The following ADAP2 variants were observed in gnomAD, a reference collection of about 807,000 sequenced individuals.
ADAP2 encodes ArfGAP with dual PH domains 2.
ADAP2 carries 42 observed loss-of-function variants against 54.9 expected under a neutral mutation model. The observed-to-expected ratio is 0.77, with a 90% confidence interval of 0.60 to 0.99. ADAP2 has a LOEUF of 0.99. Among genes scored for constraint, ADAP2 ranks in the 50% least tolerant of loss-of-function variants. The pLI, the probability that ADAP2 is intolerant of heterozygous loss-of-function variation, is 0.00. For missense variants in ADAP2, 429 were observed against 480.4 expected, an observed-to-expected ratio of 0.89 and a Z score of 1.00; for synonymous variants, 177 against 180.1, an observed-to-expected ratio of 0.98 and a Z score of 0.14.
intron 7 of ADAP2, among the ~76,000 whole-genome samples, chr17:30,951,033 T>C (rs1250229107): frequency 1.3e-5 from 2 of 152,176 alleles, no homozygotes; most frequent in East Asian, 3.8e-4. Flanking sequence ...TGTCTGTGTA[T>C]GGTGTGAGGT....
rs774881193 is a variant in ADAP2 at position 30,954,515 on chromosome 17, A to G, written c.842A>G (p.Asp281Gly). ...TTCAAGAAAAGGTGGTTCGCCCTGG[A>G]TTGCCATGAGCGGAGGCTGCTCTAT... ...EPFKKRWFAL[D>G]CHERRLLYYK... Residue 281 changes from aspartate to glycine, a missense_variant, in exon 9 of 11, where the codon GAT becomes GGT. Asp to Gly is a moderately conservative substitution (Grantham distance 94). Coordinates refer to ENST00000330889, the MANE Select transcript of ADAP2 (RefSeq NM_018404.3). The G allele has an allele frequency of 2.2e-5, 36 of 1,614,128 alleles. No homozygotes were observed. The East Asian group carries it at 7.6e-4, about 34-fold the overall frequency.
intron 9 of ADAP2, among the ~76,000 whole-genome samples, chr17:30,955,457 C>A (rs1296130296): frequency 6.6e-6 from 1 of 151,954 alleles, no homozygotes; most frequent in African/African-American, 2.4e-5. Context: ...TCTGTAAACC[C>A]AGCATTTTGG....
At chr17:30,925,922 AAGGTTTCACC>A (rs1911027601) in intron 2 of ADAP2, among the ~76,000 whole-genome samples, 2 of 152,050 alleles carry the variant, frequency 1.3e-5, no homozygotes, top group Non-Finnish European at 2.9e-5. Context: ...TAGTAGAGAC[AAGGTTTCACC>A]ATGTTGGTCA....
chr17:30,924,322 G>C (rs977138801), intron 2 of ADAP2, among the ~76,000 whole-genome samples: 4 of 151,632 alleles, frequency 2.6e-5, no homozygotes, highest in African/African-American at 9.7e-5. Context: ...GCAATGAGCT[G>C]AGATCGCACC....
At chr17:30,930,324 G>T (rs1911382031) in intron 3 of ADAP2, among the ~76,000 whole-genome samples, 1 of 151,994 alleles carries the variant, frequency 6.6e-6, no homozygotes, top group Non-Finnish European at 1.5e-5. Context: ...TGCCTGCCTT[G>T]GCCTCCCAAA....
chr17:30,926,851 C>T lies in ADAP2; in HGVS notation c.250C>T (p.Arg84Cys), dbSNP rs138551645. ...VEFMIHNGNL[R>C]VKAKFEARVP... Reference sequence around the variant, plus strand: ...GTTTATGATCCACAATGGAAACCTCCGTGTGAAGGCCAAGTTCGAAGCCAG... The same window carrying T: ...GTTTATGATCCACAATGGAAACCTCTGTGTGAAGGCCAAGTTCGAAGCCAG... Residue 84 changes from arginine to cysteine, a missense_variant, in exon 3 of 11, where the codon CGT (arginine) becomes TGT (cysteine). Physicochemically the swap from Arg to Cys is radical, Grantham distance 180. Coordinates refer to ENST00000330889, the MANE Select transcript of ADAP2 (RefSeq NM_018404.3). The T allele has an allele frequency of 6.9e-5, 111 of 1,614,174 alleles. No individual in the cohort carries two copies. In the African/African-American group the frequency reaches 9.7e-4, roughly 14 times the overall value.
intron 3 of ADAP2, among the ~76,000 whole-genome samples, chr17:30,928,972 A>G (rs1017538776): frequency 2.0e-5 from 3 of 152,236 alleles, no homozygotes; most frequent in Non-Finnish European, 4.4e-5. Flanking sequence ...TCAGCTGCCG[A>G]GCCTCAGCAA....
In ADAP2 at chr17:30,958,103, C is replaced by T. The variant is rs1905201790; in HGVS notation, c.*234C>T. 1.7e-6 allele frequency: 1 copy of T among 571,684 alleles called. No individual in the cohort carries two copies. The highest frequency in any genetic ancestry group is 2.9e-5 in the East Asian group (1 of 34,214). The allele number at this position is 571,684 out of a possible 1,614,324, so 35.4% of individuals were successfully genotyped here. ...CATAGATGAACATCTATCCCCTCCT[C>T]CCCCATACACACCTAGGCTTGAAAT... On this transcript the variant is annotated 3_prime_UTR_variant, in exon 11 of 11. Coordinates refer to ENST00000330889, the MANE Select transcript of ADAP2 (RefSeq NM_018404.3).
At chr17:30,945,932 TCACGAGG>T (rs1912638407) in intron 6 of ADAP2, among the ~76,000 whole-genome samples, 2 of 148,988 alleles carry the variant, frequency 1.3e-5, no homozygotes, top group Non-Finnish European at 3.0e-5. Flanking sequence ...GGCAGGCGGA[TCACGAGG>T]TCAGGAGATC....
intron 5 of ADAP2, among the ~76,000 whole-genome samples, chr17:30,941,672 A>G (rs1276873815): frequency 6.6e-6 from 1 of 152,156 alleles, no homozygotes; most frequent in African/African-American, 2.4e-5. Context: ...TTTTCCATGA[A>G]CTTTTCTAAG....
chr17:30,935,088 C>T (rs958738401), intron 5 of ADAP2, among the ~76,000 whole-genome samples: 14 of 151,770 alleles, frequency 9.2e-5, no homozygotes, highest in East Asian at 1.9e-4. Context: ...AAACAAAAAC[C>T]GGGCATGGTG....
intron 5 of ADAP2, among the ~76,000 whole-genome samples, chr17:30,941,510 G>C (rs1214175460): frequency 6.6e-6 from 1 of 152,156 alleles, no homozygotes. Flanking sequence ...CAGAATTCAT[G>C]TTGCTCTGAG....
At chr17:30,936,603 T>C (rs1166564312) in intron 5 of ADAP2, among the ~76,000 whole-genome samples, 4 of 129,576 alleles carry the variant, frequency 3.1e-5, no homozygotes, top group African/African-American at 8.9e-5. Context: ...ATCTTATTTG[T>C]AGAAATGTCT....
chr17:30,942,599 C>T (rs747409707), intron 5 of ADAP2, among the ~76,000 whole-genome samples: 99 of 152,228 alleles, frequency 6.5e-4, no homozygotes, highest in South Asian at 3.1e-3. Flanking sequence ...ATATATATAT[C>T]GGAACAATCT....
rs148209227 is a variant in ADAP2 at position 30,923,026 on chromosome 17, G to A, written c.181G>A (p.Val61Ile). 9 of 1,614,106 alleles carry A rather than the reference G, an allele frequency of 5.6e-6. No individual in the cohort carries two copies. The East Asian group carries it at 2.0e-4, about 36-fold the overall frequency. ...CCGTAACTTCCCTGACATCAGCAGA[G>A]TTAAATCTGTGCGACTTGACTTCTG... Reference protein sequence around the residue: ...VHRNFPDISRVKSVRLDFWDD... With the variant: ...VHRNFPDISRIKSVRLDFWDD... The change falls in exon 2 of 11, where the codon GTT becomes ATT. Residue 61 changes from valine (V) to isoleucine (I), a missense_variant. Val to Ile is a conservative substitution (Grantham distance 29). Transcript: ENST00000330889.
chr17:30,933,837 T>C (rs1911677623), intron 4 of ADAP2, among the ~76,000 whole-genome samples: 1 of 152,210 alleles, frequency 6.6e-6, no homozygotes, highest in African/African-American at 2.4e-5. Flanking sequence ...CAGCATGAAG[T>C]TGGGCAGGAC....
chr17:30,944,084 C>T (rs1361980297), intron 5 of ADAP2, among the ~76,000 whole-genome samples: 1 of 151,692 alleles, frequency 6.6e-6, no homozygotes, highest in African/African-American at 2.4e-5. Context: ...CCCAGCTACT[C>T]GAGAGGCTGA....
At chr17:30,941,028 T>G (rs1174069753) in intron 5 of ADAP2, among the ~76,000 whole-genome samples, 3 of 152,354 alleles carry the variant, frequency 2.0e-5, no homozygotes, top group Admixed American at 1.3e-4. Context: ...AAAGCCATGT[T>G]TCATCTCCTG....
rs1598063363 is a variant in ADAP2 at position 30,958,186 on chromosome 17, A to C, written c.*317A>C. 2.8e-6 allele frequency: 1 copy of C among 353,714 alleles called. No homozygotes were observed. The highest frequency in any genetic ancestry group is 5.3e-5 in the South Asian group (1 of 18,728). 21.9% of individuals were successfully genotyped at this position (353,714 alleles called of 1,614,324 possible). On this transcript the variant is annotated 3_prime_UTR_variant, in exon 11 of 11. Transcript: ENST00000330889. ...AATGGAGGCATTGCAATGAAAAGGC[A>C]CCCACAGCATCATGCAAGTGGCATC...
Sources: gnomAD v4.1 joint callset for allele counts (sites outside exome capture counted in the v4.1 genomes callset) on GRCh38, gnomAD v4.1.1 for gene constraint, MANE v1.5 for transcripts, NCBI Gene and HGNC (gene_info 2026-07-23, HGNC 2026-07-21) for gene names.